The following LONRF1 variants were observed in gnomAD, a reference collection of about 807,000 sequenced individuals.
The protein encoded by LONRF1 is LON peptidase N-terminal domain and RING finger protein 1.
In LONRF1, 37 loss-of-function variants were observed where a neutral mutation model predicts 85.8. The observed-to-expected ratio is 0.43, with a 90% CI of 0.33 to 0.57. The LOEUF (loss-of-function observed/expected upper bound fraction) is 0.57. Ranked by LOEUF, LONRF1 falls within the 20% of genes least tolerant of loss-of-function variation. LONRF1 has a pLI of 0.04. For synonymous variants in LONRF1, 517 were observed against 390.1 expected, an observed-to-expected ratio of 1.33 and a Z score of -3.83; for missense variants, 1,036 against 978.0, an observed-to-expected ratio of 1.06 and a Z score of -0.79.
chr8:12,752,272 TAAG>T (rs1260269199), intron 1 of LONRF1, among the ~76,000 whole-genome samples: 1 of 152,208 alleles, frequency 6.6e-6, no homozygotes, highest in East Asian at 1.9e-4. Context: ...AGTTAAAGCC[TAAG>T]GATTGTACAA....
intron 7 of LONRF1, among the ~76,000 whole-genome samples, chr8:12,732,536 C>T (rs1048142314): frequency 3.9e-5 from 6 of 152,152 alleles, no homozygotes; most frequent in African/African-American, 9.7e-5. Context: ...AAGTACTATC[C>T]TCATGCATTT....
intron 8 of LONRF1, among the ~76,000 whole-genome samples, chr8:12,730,444 T>C (rs1230699172): frequency 1.3e-5 from 2 of 152,230 alleles, no homozygotes; most frequent in African/African-American, 2.4e-5. Flanking sequence ...CAATTACTTA[T>C]ATAAACATAA....
In LONRF1 at chr8:12,743,256, A is replaced by G. The variant is rs769692769; in HGVS notation, c.748T>C (p.Tyr250His). ...AGACCAGCATATGATTCCGCTCTGT[A>G]AATTTTTACAATCAAGTCACTGGGT... Reference protein sequence around the residue: ...AEPSDLIVKIYRAESYAGLQE... With the variant: ...AEPSDLIVKIHRAESYAGLQE... Residue 250 changes from tyrosine to histidine, a missense_variant, in exon 2 of 12, where the codon TAC becomes CAC. Physicochemically the swap from Tyr to His is moderately conservative, Grantham distance 83. This residue lies in a region of LONRF1 where 742 missense variants were observed against 614.4 expected (regional missense o/e 1.21). Coordinates refer to ENST00000398246, the MANE Select transcript of LONRF1 (RefSeq NM_152271.5). 6.8e-6 allele frequency: 11 copies of G among 1,609,022 alleles called. No individual in the cohort carries two copies.
Position 12,725,745 on chromosome 8 carries a change from C to T in LONRF1, c.2145G>A (p.Glu715=), listed in dbSNP as rs1798272703. The change falls in exon 11 of 12, where the codon GAG becomes GAA. Residue 715 remains glutamate, a synonymous_variant. Transcript: ENST00000398246. ...QILQHFGSMP[E]REENLQAAPN... ...ACCATACCTGAAGGTTTTCCTCCCT[C>T]TCGGGCATTGATCCGAAATGCTGAA... is the stretch of plus-strand genomic sequence containing the variant. 1 of 1,613,010 alleles carries T rather than the reference C, an allele frequency of 6.2e-7. No homozygotes were observed. Among genetic ancestry groups the T allele is most frequent in the Admixed American group, 1.7e-5 (1 of 59,996 alleles).
intron 1 of LONRF1, among the ~76,000 whole-genome samples, chr8:12,749,729 C>T (rs890633591): frequency 2.0e-5 from 3 of 151,850 alleles, no homozygotes; most frequent in Non-Finnish European, 4.4e-5. Context: ...TTTTTAGTAA[C>T]CCTGAGGCAC....
intron 2 of LONRF1, among the ~76,000 whole-genome samples, chr8:12,742,713 A>T (rs372468417): frequency 1.6e-3 from 237 of 149,888 alleles, no homozygotes; most frequent in African/African-American, 5.6e-3. Flanking sequence ...AAATTGTGAG[A>T]TGATACTCCT....
chr8:12,724,567 G>C (rs746233798), intron 11 of LONRF1, among the ~76,000 whole-genome samples: 16 of 152,274 alleles, frequency 1.1e-4, no homozygotes, highest in African/African-American at 3.9e-4. Flanking sequence ...ACGGGTGGTT[G>C]CTTTTGCTTT....
chr8:12,748,807 A>ATGTT, intron 1 of LONRF1, among the ~76,000 whole-genome samples: 1 of 146,398 alleles, frequency 6.8e-6, no homozygotes, highest in East Asian at 2.0e-4. Flanking sequence ...CAGAATATCA[A>ATGTT]TTTTTTTTTT....
At chr8:12,728,767 A>G in intron 10 of LONRF1, 134 bp downstream of exon 10, 5 of 939,314 alleles carry the variant, frequency 5.3e-6, no homozygotes, top group Non-Finnish European at 8.0e-6. Context: ...GGTAACTTGG[A>G]GCACATTCTC....
At chr8:12,748,370 A>T (rs1394027417) in intron 1 of LONRF1, among the ~76,000 whole-genome samples, 1 of 145,082 alleles carries the variant, frequency 6.9e-6, no homozygotes, top group Non-Finnish European at 1.5e-5. Flanking sequence ...TAATTTTTAA[A>T]TTTTTTTGTA....
chr8:12,754,520 G>C (rs1015054604), intron 1 of LONRF1, among the ~76,000 whole-genome samples, 180 bp downstream of exon 1: 1 of 151,890 alleles, frequency 6.6e-6, no homozygotes, highest in African/African-American at 2.4e-5. Context: ...TATGACCGAA[G>C]CACCCCGGGG....
At chr8:12,746,772 C>G (rs1799173262) in intron 1 of LONRF1, among the ~76,000 whole-genome samples, 1 of 152,058 alleles carries the variant, frequency 6.6e-6, no homozygotes, top group South Asian at 2.1e-4. Context: ...GATCATACAG[C>G]TAGTAATTGG....
chr8:12,750,388 G>A (rs903885714), intron 1 of LONRF1, among the ~76,000 whole-genome samples: 4 of 152,140 alleles, frequency 2.6e-5, no homozygotes, highest in Non-Finnish European at 5.9e-5. Flanking sequence ...ATAGTACCAA[G>A]CCCTATATAT....
At position 12,729,157 on chromosome 8, in the gene LONRF1, G is replaced by T. The variant is rs757428374; in HGVS notation, c.1847+17C>A. Reference sequence around the variant, plus strand: ...GTCTAACATAAATACAAATATTTAGGTTCACAAAAAGCATACCTATTTTGT... The same window carrying T: ...GTCTAACATAAATACAAATATTTAGTTTCACAAAAAGCATACCTATTTTGT... On this transcript the variant is annotated intron_variant, in intron 9 of 11. Transcript: ENST00000398246. The T allele has an allele frequency of 8.1e-6, 13 of 1,613,476 alleles. No homozygotes were observed. The highest frequency in any genetic ancestry group is 1.7e-4 in the Middle Eastern group (1 of 6,052).
intron 6 of LONRF1, 61 bp downstream of exon 6, chr8:12,736,638 TAC>T (rs1798724399): frequency 9.2e-7 from 1 of 1,089,344 alleles, no homozygotes; most frequent in Admixed American, 2.3e-5. Context: ...TACCTTTATC[TAC>T]ACGGTATTTT....
intron 10 of LONRF1, chr8:12,727,353 G>A (rs1036121392): frequency 6.7e-6 from 1 of 150,260 alleles, no homozygotes; most frequent in Non-Finnish European, 1.5e-5. Context: ...AATTTTAACA[G>A]AACTTAAAAT....
At position 12,725,882 on chromosome 8, in the gene LONRF1, A is replaced by G. The variant is rs756915318; in HGVS notation, c.2011-3T>C. 6.2e-7 allele frequency: 1 copy of G among 1,607,078 alleles called. No homozygotes were observed. The highest frequency in any genetic ancestry group is 1.3e-5 in the African/African-American group (1 of 74,972). ...TTAATCTCATCTTCATTCTCAACCT[A>G]GAAATACAATAGTCAGTAAGACTTC... On this transcript the variant is annotated splice_polypyrimidine_tract_variant and splice_region_variant and intron_variant, in intron 10 of 11. Transcript: ENST00000398246.
Position 12,755,273 on chromosome 8 carries a change from G to A in LONRF1, c.148C>T (p.Leu50=). Residue 50 remains leucine, a synonymous_variant, in exon 1 of 12, where the codon CTG becomes TTG. Coordinates refer to ENST00000398246, the MANE Select transcript of LONRF1 (RefSeq NM_152271.5). ...RAAAESERWE[L]LLRRGELLAL... ...AGCAGCTCCCCGCGGCGGAGCAGCA[G>A]CTCCCAGCGCTCCGACTCCGCGGCC... 1 of 1,238,362 alleles carries A rather than the reference G, an allele frequency of 8.1e-7. No homozygotes were observed. The highest frequency in any genetic ancestry group is 1.0e-6 in the Non-Finnish European group (1 of 991,884). The allele number at this position is 1,238,362 out of a possible 1,614,324, so 76.7% of individuals were successfully genotyped here.
At chr8:12,730,508 C>A (rs945406193) in intron 8 of LONRF1, among the ~76,000 whole-genome samples, 1 of 152,160 alleles carries the variant, frequency 6.6e-6, no homozygotes, top group Non-Finnish European at 1.5e-5. Flanking sequence ...TAGTAAGCAG[C>A]TGGACACCCT....
Sources: gnomAD v4.1 joint callset for allele counts (sites outside exome capture counted in the v4.1 genomes callset) on GRCh38, gnomAD v4.1.1 for gene constraint, gnomAD v4.1.1 regional missense constraint, MANE v1.5 for transcripts, NCBI Gene and HGNC (gene_info 2026-07-23, HGNC 2026-07-21) for gene names.